The following SSBP2 variants were observed in gnomAD, a reference collection of about 807,000 sequenced individuals.
SSBP2 encodes single stranded DNA binding protein 2.
SSBP2 carries 17 observed loss-of-function variants against 61.8 expected under a neutral mutation model. The ratio of observed to expected loss-of-function variants is 0.28; its 90% CI spans 0.19 to 0.41. The LOEUF (loss-of-function observed/expected upper bound fraction) is 0.41, where lower values mean the gene tolerates loss of function less well. SSBP2 is among the 10% of genes least tolerant of loss of function. The pLI is 1.00. For synonymous variants in SSBP2, 139 were observed against 141.3 expected, an observed-to-expected ratio of 0.98 and a Z score of 0.12; for missense variants, 310 against 458.7, an observed-to-expected ratio of 0.68 and a Z score of 2.96.
intron 4 of SSBP2, among the ~76,000 whole-genome samples, chr5:81,537,448 T>C (rs1770895790): frequency 6.6e-6 from 1 of 152,166 alleles, no homozygotes; most frequent in South Asian, 2.1e-4. Context: ...AGACAGCTTA[T>C]TCTGGGATTA....
intron 9 of SSBP2, among the ~76,000 whole-genome samples, chr5:81,464,643 A>G (rs189341618): frequency 1.3e-5 from 2 of 152,264 alleles, no homozygotes; most frequent in East Asian, 1.9e-4. Flanking sequence ...CTCATGGCAA[A>G]TAAGAAAAAA....
rs371952207 is a variant in SSBP2 at position 81,454,399 on chromosome 5, G to A, written c.688-5574C>T. 1.4e-4 allele frequency among the ~76,000 whole-genome samples: 22 copies of A among 152,306 alleles called. No individual in the cohort carries two copies. In the East Asian group the frequency reaches 3.9e-3, roughly 27 times the overall value. Reference sequence around the variant, plus strand: ...AGAAATAGAACAAAGAGATAGATAGGGACAGGCGTGGTGGCTCACACCTGT... The same window carrying A: ...AGAAATAGAACAAAGAGATAGATAGAGACAGGCGTGGTGGCTCACACCTGT... On this transcript the variant is annotated intron_variant, in intron 10 of 16. Transcript: ENST00000320672.
chr5:81,477,912 G>A (rs1486352871), intron 6 of SSBP2, among the ~76,000 whole-genome samples: 2 of 152,034 alleles, frequency 1.3e-5, no homozygotes, highest in Non-Finnish European at 2.9e-5. Context: ...TGAGAAGTAA[G>A]AAGATAAAAG....
chr5:81,584,646 TG>T (rs1236401222), intron 4 of SSBP2, among the ~76,000 whole-genome samples: 7 of 152,102 alleles, frequency 4.6e-5, no homozygotes, highest in Non-Finnish European at 1.0e-4. Flanking sequence ...CGGATATAAA[TG>T]CTAGAAGTCT....
chr5:81,436,709 A>T (rs994861435), intron 15 of SSBP2, among the ~76,000 whole-genome samples: 2 of 152,174 alleles, frequency 1.3e-5, no homozygotes, highest in Non-Finnish European at 2.9e-5. Context: ...GTAGCAAATA[A>T]TTAGTTCCCA....
Position 81,700,926 on chromosome 5 carries a change from C to A in SSBP2, c.62+50055G>T, listed in dbSNP as rs192887529. Among the ~76,000 whole-genome samples the A allele has an allele frequency of 1.6e-3, 240 of 152,300 alleles. 1 individual carries two copies. Among genetic ancestry groups the A allele is most frequent in the African/African-American group, 5.6e-3 (232 of 41,568 alleles). ...CTAACCAAACCACTCAAACTTTCTC[C>A]GTATTGACCATAAAGCTATTCTACT... On this transcript the variant is annotated intron_variant, in intron 1 of 16. Coordinates refer to ENST00000320672, the MANE Select transcript of SSBP2 (RefSeq NM_012446.5).
intron 4 of SSBP2, among the ~76,000 whole-genome samples, chr5:81,543,150 C>T (rs911551821): frequency 2.0e-5 from 3 of 152,122 alleles, no homozygotes; most frequent in Admixed American, 6.5e-5. Context: ...CCACCCTGCC[C>T]GGCCAACATG....
chr5:81,720,090 T>A (rs1011528740), intron 1 of SSBP2, among the ~76,000 whole-genome samples: 5 of 152,090 alleles, frequency 3.3e-5, no homozygotes, highest in South Asian at 2.1e-4. Context: ...TGTCAAAGCA[T>A]CATAAAATAC....
intron 4 of SSBP2, among the ~76,000 whole-genome samples, chr5:81,577,358 G>A (rs1774291869): frequency 6.6e-6 from 1 of 151,992 alleles, no homozygotes. Flanking sequence ...TTGTCCTGGA[G>A]ATATATGAAA....
chr5:81,497,969 A>G (rs1009002643), intron 5 of SSBP2, among the ~76,000 whole-genome samples: 1 of 152,136 alleles, frequency 6.6e-6, no homozygotes, highest in Non-Finnish European at 1.5e-5. Flanking sequence ...ACTGCTAACA[A>G]TTCTATATAG....
intron 4 of SSBP2, among the ~76,000 whole-genome samples, chr5:81,592,304 C>T (rs980878451): frequency 5.3e-5 from 8 of 152,236 alleles, no homozygotes; most frequent in Admixed American, 2.0e-4. Context: ...CCTGCCATTG[C>T]CAAGTTAGTT....
chr5:81,733,289 A>G (rs1561740588), intron 1 of SSBP2, among the ~76,000 whole-genome samples: 1 of 152,212 alleles, frequency 6.6e-6, no homozygotes, highest in Non-Finnish European at 1.5e-5. Flanking sequence ...GACTAATAGA[A>G]GAGAACTAAT....
chr5:81,457,120 C>T (rs954654776), intron 10 of SSBP2, among the ~76,000 whole-genome samples: 1 of 152,154 alleles, frequency 6.6e-6, no homozygotes, highest in African/African-American at 2.4e-5. Flanking sequence ...GAACCCCAAG[C>T]TCCTTAAAGA....
intron 4 of SSBP2, among the ~76,000 whole-genome samples, chr5:81,555,000 G>A (rs1000375755): frequency 1.3e-5 from 2 of 152,078 alleles, no homozygotes; most frequent in Non-Finnish European, 2.9e-5. Context: ...TGTTGCAGTA[G>A]AATACCACAG....
intron 1 of SSBP2, among the ~76,000 whole-genome samples, chr5:81,652,579 T>G (rs1253806461): frequency 6.6e-6 from 1 of 152,148 alleles, no homozygotes; most frequent in African/African-American, 2.4e-5. Context: ...TGAGAAAACC[T>G]ATCTATAATG....
At chr5:81,710,855 G>C in intron 1 of SSBP2, 1 of 243,232 alleles carries the variant, frequency 4.1e-6, no homozygotes, top group Admixed American at 5.1e-5. Context: ...ATGGGAGCAC[G>C]AATAAAAAGA....
intron 1 of SSBP2, among the ~76,000 whole-genome samples, chr5:81,716,521 G>C (rs1755182135): frequency 6.6e-6 from 1 of 152,150 alleles, no homozygotes; most frequent in Non-Finnish European, 1.5e-5. Flanking sequence ...CACTGCCTTT[G>C]AATTTTTGCC....
intron 4 of SSBP2, among the ~76,000 whole-genome samples, chr5:81,561,976 C>G (rs568760288): frequency 3.9e-5 from 6 of 152,302 alleles, no homozygotes; most frequent in African/African-American, 1.4e-4. Flanking sequence ...ACAATCTTGG[C>G]TCACTGCAAC....
At chr5:81,471,540 A>G (rs1464779157) in intron 8 of SSBP2, among the ~76,000 whole-genome samples, 1 of 151,990 alleles carries the variant, frequency 6.6e-6, no homozygotes, top group Non-Finnish European at 1.5e-5. Flanking sequence ...TTAGTTTATT[A>G]AAGACTAAAA....
Sources: gnomAD v4.1 joint callset for allele counts (sites outside exome capture counted in the v4.1 genomes callset) on GRCh38, gnomAD v4.1.1 for gene constraint, MANE v1.5 for transcripts, NCBI Gene and HGNC (gene_info 2026-07-23, HGNC 2026-07-21) for gene names.